RGN: variants seen among roughly 807,000 people sequenced by gnomAD.
The protein encoded by RGN is regucalcin.
In RGN, 19 loss-of-function variants were observed where a neutral mutation model predicts 20.6. The observed-to-expected ratio is 0.92, with a 90% confidence interval of 0.64 to 1.35. The LOEUF is 1.35. Ranked by LOEUF, RGN falls within the 40% of genes most tolerant of loss-of-function variation. RGN has a pLI of 0.00. For synonymous variants in RGN, 85 were observed against 87.2 expected (o/e 0.97, Z 0.14); for missense variants, 302 against 232.7 (o/e 1.30, Z -1.94).
chrX:47,092,879 T>C lies in RGN; in HGVS notation c.850-18T>C. On this transcript the variant is annotated intron_variant, in intron 7 of 7. Coordinates refer to ENST00000397180, the MANE Select transcript of RGN (RefSeq NM_152869.4). ...GAATTACCTTTCACCTGAGATTCCCTCTTTTCTTTTTCAACAGATAACTGG... is the reference window on the plus strand; with the variant it reads ...GAATTACCTTTCACCTGAGATTCCCCCTTTTCTTTTTCAACAGATAACTGG... 2.5e-6 allele frequency: 3 copies of C among 1,191,600 alleles called. No homozygotes were observed. The highest frequency in any genetic ancestry group is 1.1e-6 in the Non-Finnish European group (1 of 878,022).
intron 4 of RGN, chrX:47,087,612 T>C (rs1556384769): frequency 9.2e-6 from 1 of 109,209 alleles, no homozygotes; most frequent in Non-Finnish European, 1.9e-5. Flanking sequence ...TCCATATTTT[T>C]CTTACAAAGT....
chrX:47,084,750 T>A, intron 4 of RGN, 150 bp downstream of exon 4: 1 of 450,603 alleles, frequency 2.2e-6, no homozygotes, highest in Admixed American at 4.4e-5. Context: ...GCCCAGGAGT[T>A]CGATAACTGC....
At chrX:47,091,636 T>G in intron 5 of RGN, 42 bp from the exon 6 acceptor site, 1 of 1,180,677 alleles carries the variant, frequency 8.5e-7, no homozygotes, top group Non-Finnish European at 1.1e-6. Flanking sequence ...TGGCCTGTTG[T>G]TTTGTTGTGG....
rs368609419 is a variant in RGN at position 47,089,814 on chromosome X, C to A, written c.385C>A (p.Arg129=). Residue 129 remains arginine (R), a synonymous_variant, in exon 5 of 8, where the codon CGG becomes AGG. Transcript: ENST00000397180. Reference sequence around the variant, plus strand: ...GGAAACAGCTCCAGCAGTTCTTGAGCGGCACCAGGGGGCCCTGTACTCCCT... The same window carrying A: ...GGAAACAGCTCCAGCAGTTCTTGAGAGGCACCAGGGGGCCCTGTACTCCCT... ...AEETAPAVLE[R]HQGALYSLFP... is the part of the protein sequence containing the mutation. The A allele has an allele frequency of 1.5e-5, 18 of 1,202,659 alleles. No individual in the cohort carries two copies. The African/African-American group carries it at 2.0e-4, about 13-fold the overall frequency.
chrX:47,093,196 C>G lies in RGN; in HGVS notation c.*249C>G. The G allele has an allele frequency of 2.8e-6, 1 of 353,912 alleles. No individual in the cohort carries two copies. Among genetic ancestry groups the G allele is most frequent in the Non-Finnish European group, 4.9e-6 (1 of 206,144 alleles). The allele number at this position is 353,912 out of a possible 1,213,427, so 29.2% of individuals were successfully genotyped here. A position where few individuals can be genotyped will look rare whatever the true frequency, so the allele number is the denominator to read the frequency against. On this transcript the variant is annotated 3_prime_UTR_variant, in exon 8 of 8. Coordinates refer to ENST00000397180, the MANE Select transcript of RGN (RefSeq NM_152869.4). ...AAGAATCGTTCAACTGTCAATCAGCCTCTTGATTCTTTGTAAATTGCCAGG... is the reference window on the plus strand; with the variant it reads ...AAGAATCGTTCAACTGTCAATCAGCGTCTTGATTCTTTGTAAATTGCCAGG...
At chrX:47,084,724 C>T (rs1208458024) in intron 4 of RGN, 124 bp downstream of exon 4, 21 of 555,040 alleles carry the variant, frequency 3.8e-5, no homozygotes, top group South Asian at 1.1e-4. Flanking sequence ...GGAGCCAAGG[C>T]GAGTAGGTCG....
chrX:47,088,441 G>A (rs1460365018), intron 4 of RGN, among the ~76,000 whole-genome samples: 5 of 110,442 alleles, frequency 4.5e-5, no homozygotes, highest in Non-Finnish European at 7.6e-5. Flanking sequence ...TTCTCCCCAG[G>A]GAGGGAGGAT....
At chrX:47,086,220 T>C (rs984552303) in intron 4 of RGN, among the ~76,000 whole-genome samples, 1 of 111,514 alleles carries the variant, frequency 9.0e-6, no homozygotes, top group African/African-American at 3.3e-5. Flanking sequence ...TGTGATTAAG[T>C]TGATGTTATA....
At position 47,080,650 on chromosome X, in the gene RGN, A is replaced by G; in HGVS notation, c.-302A>G. ...AAATAAATCAGTAAAGCAGCTCAGAAAAATGCAGGTGTGGCGGGCCCTGGC... is the reference window on the plus strand; with the variant it reads ...AAATAAATCAGTAAAGCAGCTCAGAGAAATGCAGGTGTGGCGGGCCCTGGC... On this transcript the variant is annotated 5_prime_UTR_variant, in exon 2 of 8. Transcript: ENST00000397180. The G allele has an allele frequency of 1.8e-5, 2 of 113,545 alleles. No homozygotes were observed. The highest frequency in any genetic ancestry group is 5.6e-4 in the East Asian group (2 of 3,599). 9.4% of individuals were successfully genotyped at this position (113,545 alleles called of 1,213,427 possible).
chrX:47,083,466 T>C (rs1930437547), intron 3 of RGN, among the ~76,000 whole-genome samples: 2 of 111,557 alleles, frequency 1.8e-5, no homozygotes, highest in South Asian at 3.7e-4. Flanking sequence ...TTTAAAAACA[T>C]AAAATGTAGT....
At chrX:47,089,577 CT>C (rs1556386195) in intron 4 of RGN, among the ~76,000 whole-genome samples, 198 bp from the exon 5 acceptor site, 76 of 52,627 alleles carry the variant, frequency 1.4e-3, no homozygotes, top group Admixed American at 3.7e-3. Flanking sequence ...ATTATATATA[CT>C]TTATATATAT....
intron 4 of RGN, chrX:47,085,071 A>G (rs1930525242): frequency 8.8e-6 from 1 of 113,609 alleles, no homozygotes; most frequent in Non-Finnish European, 1.8e-5. Context: ...GTAGGACAAA[A>G]AAAAAATTCT....
At chrX:47,080,045 G>A (rs1307501786) in intron 1 of RGN, among the ~76,000 whole-genome samples, 1 of 111,019 alleles carries the variant, frequency 9.0e-6, no homozygotes, top group Non-Finnish European at 1.9e-5. Context: ...CACTACACCC[G>A]CTAATTTTTT....
At chrX:47,090,884 A>AG (rs1556387289) in intron 5 of RGN, among the ~76,000 whole-genome samples, 9 of 55,614 alleles carry the variant, frequency 1.6e-4, no homozygotes, top group African/African-American at 4.5e-4. Context: ...GAAAGAAAGA[A>AG]AAGAAGAAGA....
intron 3 of RGN, among the ~76,000 whole-genome samples, chrX:47,083,775 C>T (rs782204168): frequency 9.1e-5 from 10 of 110,042 alleles, no homozygotes; most frequent in Admixed American, 2.9e-4. Flanking sequence ...ATTAGCTAGG[C>T]GTGGTGCATG....
In RGN at chrX:47,090,866, AAAAG is replaced by A. The variant is rs782781609; in HGVS notation, c.563-796_563-793del. ...GACAGAGCGAGACACTGTCAAAAAA[AAAAG>A]AAAGAAAGAAAGAAAAGAAGAAGAA... On this transcript the variant is annotated intron_variant, in intron 5 of 7. Coordinates refer to ENST00000397180, the MANE Select transcript of RGN (RefSeq NM_152869.4). Among the ~76,000 whole-genome samples, 85 of 90,030 alleles carry A rather than the reference AAAAG, an allele frequency of 9.4e-4. 1 individual carries two copies. The highest frequency in any genetic ancestry group is 3.0e-3 in the African/African-American group (77 of 25,880). 78.2% of individuals were successfully genotyped at this position (90,030 alleles called of 115,157 possible).
At chrX:47,083,279 G>C (rs1556382297) in intron 3 of RGN, among the ~76,000 whole-genome samples, 12 of 108,534 alleles carry the variant, frequency 1.1e-4, no homozygotes, top group Non-Finnish European at 1.9e-5. Context: ...ACAGCCTGTA[G>C]TCCCAGCTAC....
rs2069345811 is a variant in RGN, at chrX:47,078,626, G to T, written c.-719G>T. ...CAGGCTCAACCTTCAGATTCCCAGGGCCTCTCTGTCGCTGTCGCCGTCGCC... is the reference window on the plus strand; with the variant it reads ...CAGGCTCAACCTTCAGATTCCCAGGTCCTCTCTGTCGCTGTCGCCGTCGCC... On this transcript the variant is annotated 5_prime_UTR_variant, in exon 1 of 8. Coordinates refer to ENST00000397180, the MANE Select transcript of RGN (RefSeq NM_152869.4). The T allele has an allele frequency of 8.9e-6, 1 of 112,456 alleles. No individual in the cohort carries two copies. Among genetic ancestry groups the T allele is most frequent in the Admixed American group, 9.4e-5 (1 of 10,608 alleles). 9.3% of individuals were successfully genotyped at this position (112,456 alleles called of 1,213,427 possible).
chrX:47,079,334 T>G (rs1930176502), intron 1 of RGN, among the ~76,000 whole-genome samples: 1 of 88,553 alleles, frequency 1.1e-5, no homozygotes, highest in Non-Finnish European at 2.2e-5. Flanking sequence ...TGGGACCAGT[T>G]TGGGCTGAGG....
Sources: allele counts gnomAD v4.1 joint callset (sites outside exome capture counted in the v4.1 genomes callset), GRCh38; gene constraint gnomAD v4.1.1; transcripts MANE v1.5; gene names NCBI Gene and HGNC (gene_info 2026-07-23, HGNC 2026-07-21).